The following PRKCE variants were observed in gnomAD, a reference collection of about 807,000 sequenced individuals.
The protein encoded by PRKCE is protein kinase C epsilon, also known as protein kinase C epsilon type.
In PRKCE, 16 loss-of-function variants were observed where a neutral mutation model predicts 85.4. The observed-to-expected ratio is 0.19, with a 90% confidence interval of 0.13 to 0.28. The LOEUF is 0.28. PRKCE is among the 10% of genes least tolerant of loss of function. PRKCE has a pLI of 1.00. For missense variants in PRKCE, 573 were observed against 975.2 expected, an observed-to-expected ratio of 0.59 and a Z score of 5.49; for synonymous variants, 388 against 371.5, an observed-to-expected ratio of 1.04 and a Z score of -0.51.
At chr2:45,868,159 A>G (rs891464362) in intron 2 of PRKCE, among the ~76,000 whole-genome samples, 3 of 150,914 alleles carry the variant, frequency 2.0e-5, no homozygotes, top group Non-Finnish European at 3.0e-5. Flanking sequence ...CAAACAAACA[A>G]AAAACAAACA....
In PRKCE at chr2:46,139,680, A is replaced by G. The variant is rs1047190617; in HGVS notation, c.1593-5413A>G. On this transcript the variant is annotated intron_variant, in intron 11 of 14. Transcript: ENST00000306156. The surrounding 1 kb of genome is among the most constrained non-coding windows in gnomAD (Gnocchi z 5.2). ...TATATAGAGGAACATATATATATAT[A>G]TGCGTATATATATGTGTGTGTATAT... Among the ~76,000 whole-genome samples, 1 of 148,206 alleles carries G rather than the reference A, an allele frequency of 6.7e-6. No homozygotes were observed. The highest frequency in any genetic ancestry group is 2.6e-5 in the African/African-American group (1 of 37,928).
intron 9 of PRKCE, among the ~76,000 whole-genome samples, chr2:46,008,313 A>G (rs1705377169): frequency 6.6e-6 from 1 of 152,152 alleles, no homozygotes; most frequent in Non-Finnish European, 1.5e-5. Context: ...TAGTATGCTC[A>G]ATAAAGCACT....
intron 2 of PRKCE, among the ~76,000 whole-genome samples, chr2:45,937,782 G>A (rs1453198051): frequency 5.3e-5 from 8 of 151,858 alleles, no homozygotes; most frequent in Non-Finnish European, 8.8e-5. Context: ...TGCCATTATC[G>A]AACGCCTACT....
intron 6 of PRKCE, among the ~76,000 whole-genome samples, chr2:45,992,242 G>GGGACCATA (rs1320765858): frequency 1.3e-5 from 2 of 152,182 alleles, no homozygotes; most frequent in Non-Finnish European, 2.9e-5. Context: ...TGGGGACCAT[G>GGGACCATA]AGAATGTCCC....
chr2:45,885,364 C>T lies in PRKCE; in HGVS notation c.412+42301C>T, dbSNP rs982713487. 7.2e-5 allele frequency among the ~76,000 whole-genome samples: 11 copies of T among 152,244 alleles called. 1 individual carries two copies. The highest frequency in any genetic ancestry group is 4.6e-4 in the Admixed American group (7 of 15,286). On this transcript the variant is annotated intron_variant, in intron 2 of 14. Transcript: ENST00000306156. ...TTTTTATCGACCCTAGGGAACAGAGCAAAGCTCTCTTCAGAAGGCCTGGCT... is the reference window on the plus strand; with the variant it reads ...TTTTTATCGACCCTAGGGAACAGAGTAAAGCTCTCTTCAGAAGGCCTGGCT...
At chr2:46,104,949 C>A (rs1671575785) in intron 11 of PRKCE, among the ~76,000 whole-genome samples, 1 of 151,918 alleles carries the variant, frequency 6.6e-6, no homozygotes, top group Non-Finnish European at 1.5e-5. Context: ...GTTAGAATAT[C>A]CCTTCCTGCC....
chr2:45,815,341 C>A (rs945432334), intron 1 of PRKCE, among the ~76,000 whole-genome samples: 3 of 152,216 alleles, frequency 2.0e-5, no homozygotes, highest in African/African-American at 4.8e-5. Flanking sequence ...GTGTAGCAGG[C>A]AGTGATGCCA....
At chr2:46,116,111 G>A (rs546346935) in intron 11 of PRKCE, among the ~76,000 whole-genome samples, 46 of 152,280 alleles carry the variant, frequency 3.0e-4, no homozygotes, top group African/African-American at 7.0e-4. Flanking sequence ...GAAATGTTTC[G>A]TTTTTATTAG....
At chr2:45,842,852 T>TC in intron 1 of PRKCE, 148 bp from the exon 2 acceptor site, 1 of 746,016 alleles carries the variant, frequency 1.3e-6, no homozygotes, top group East Asian at 2.5e-5. Flanking sequence ...CAGGTCTGCA[T>TC]CTCACCTAGC....
chr2:45,920,334 A>G (rs1263601987), intron 2 of PRKCE, among the ~76,000 whole-genome samples: 2 of 152,252 alleles, frequency 1.3e-5, no homozygotes, highest in Non-Finnish European at 2.9e-5. Flanking sequence ...AAAATGGTGC[A>G]GACGCTTTGG....
chr2:45,976,494 GTCAGGCGCAGGGTCCA>G lies in PRKCE; in HGVS notation c.484_499del (p.Arg162SerfsTer28). On this transcript the variant is annotated frameshift_variant, in exon 3 of 15. Transcript: ENST00000306156. LOFTEE classifies it high-confidence loss of function. ...GCGGCCGAGGAAGCGGCAGGGGGCCGTCAGGCGCAGGGTCCATCAGGTCAACGGCCACAAGTTCATG... is the reference window on the plus strand; with the variant it reads ...GCGGCCGAGGAAGCGGCAGGGGGCCGTCAGGTCAACGGCCACAAGTTCATG... The G allele has an allele frequency of 6.3e-7, 1 of 1,599,754 alleles. No homozygotes were observed. Among genetic ancestry groups the G allele is most frequent in the Non-Finnish European group, 8.5e-7 (1 of 1,179,956 alleles).
intron 1 of PRKCE, among the ~76,000 whole-genome samples, chr2:45,722,163 C>A (rs1267165233): frequency 6.6e-6 from 1 of 152,084 alleles, no homozygotes; most frequent in Non-Finnish European, 1.5e-5. Context: ...ATGACACTTT[C>A]CAAAACAAAA....
At position 46,001,529 on chromosome 2, in the gene PRKCE, G is replaced by T. The variant is rs755105893; in HGVS notation, c.949G>T (p.Gly317Cys). The T allele has an allele frequency of 1.9e-6, 3 of 1,598,788 alleles. No homozygotes were observed. In the African/African-American group the frequency reaches 4.0e-5, roughly 21 times the overall value. ...GVTPDKITNS[G>C]QRRKKLIAGA... ...TACCCCAGACAAAATCACCAACAGC[G>T]GCCAGAGAAGGAAAAAGGTAACTGG... The change falls in exon 7 of 15, where the codon GGC (glycine) becomes TGC (cysteine). Residue 317 changes from glycine (G) to cysteine (C), a missense_variant. Coordinates refer to ENST00000306156, the MANE Select transcript of PRKCE (RefSeq NM_005400.3). The surrounding 1 kb of genome is among the most constrained non-coding windows in gnomAD (Gnocchi z 4.4).
At chr2:46,085,736 G>GTTTTTTTTTTT (rs1170933914) in intron 10 of PRKCE, among the ~76,000 whole-genome samples, 5 of 104,574 alleles carry the variant, frequency 4.8e-5, no homozygotes, top group African/African-American at 8.7e-5. Context: ...TGCAAAATCC[G>GTTTTTTTTTTT]TTTTTTTTTT....
chr2:45,739,532 C>T (rs968333696), intron 1 of PRKCE, among the ~76,000 whole-genome samples: 2 of 152,180 alleles, frequency 1.3e-5, no homozygotes, highest in Admixed American at 6.5e-5. Flanking sequence ...TCTGTTTCCT[C>T]CCTTCCTTTT....
intron 1 of PRKCE, among the ~76,000 whole-genome samples, chr2:45,712,468 T>C (rs1679747020): frequency 6.6e-6 from 1 of 152,144 alleles, no homozygotes; most frequent in Non-Finnish European, 1.5e-5. Flanking sequence ...TCCTGTCTTT[T>C]TGACACCCAA....
At chr2:45,959,613 G>A (rs1026702727) in intron 2 of PRKCE, among the ~76,000 whole-genome samples, 4 of 152,174 alleles carry the variant, frequency 2.6e-5, no homozygotes, top group Non-Finnish European at 4.4e-5. Flanking sequence ...GGCACAGGAT[G>A]GCTCAGATCA....
chr2:45,670,249 C>T lies in PRKCE; in HGVS notation c.348+17801C>T, dbSNP rs1572895183. 2.0e-5 allele frequency among the ~76,000 whole-genome samples: 3 copies of T among 152,000 alleles called. No individual in the cohort carries two copies. The East Asian group carries it at 5.8e-4, about 29-fold the overall frequency. ...TTTCCAAATTTAAATCTGTTAAGAA[C>T]CTTTAGGGTTTAATATGCTTTTTGT... On this transcript the variant is annotated intron_variant, in intron 1 of 14. Transcript: ENST00000306156.
At chr2:45,944,686 G>GTTTTTTTTTT (rs1700121883) in intron 2 of PRKCE, among the ~76,000 whole-genome samples, 1 of 21,292 alleles carries the variant, frequency 4.7e-5, no homozygotes, top group Non-Finnish European at 1.1e-4. Context: ...TTTTTTTGTA[G>GTTTTTTTTTT]AGACAGGATT....
Sources: allele counts gnomAD v4.1 joint callset (sites outside exome capture counted in the v4.1 genomes callset), GRCh38; gene constraint gnomAD v4.1.1; non-coding constraint Gnocchi (gnomAD v3.1); transcripts MANE v1.5; gene names NCBI Gene and HGNC (gene_info 2026-07-23, HGNC 2026-07-21).